The following PRDM11 variants were observed in gnomAD, a reference collection of about 807,000 sequenced individuals.
PRDM11 encodes the protein PR domain-containing protein 11.
In PRDM11, 20 loss-of-function variants were observed where a neutral mutation model predicts 97.8. The ratio of observed to expected loss-of-function variants is 0.20; its 90% confidence interval spans 0.14 to 0.30. The LOEUF is 0.30. PRDM11 is among the 10% of genes least tolerant of loss of function. The pLI is 1.00. For missense variants in PRDM11, 1,139 were observed against 1,555.2 expected (o/e 0.73, Z 4.50); for synonymous variants, 599 against 637.7 (o/e 0.94, Z 0.91).
rs769094527 is a variant in PRDM11, at chr11:45,230,852, A to C, written c.*2693A>C. ...TTTTCCTCTCAAGAGATCATGGCCA[A>C]AATGAGCTAAAATCTTCAGCTAGAA... On this transcript the variant is annotated 3_prime_UTR_variant, in exon 8 of 8. Coordinates refer to ENST00000683152, the MANE Select transcript of PRDM11 (RefSeq NM_001384648.1). 3.9e-5 allele frequency: 6 copies of C among 152,374 alleles called. No individual in the cohort carries two copies. The East Asian group carries it at 9.7e-4, about 25-fold the overall frequency. 9.4% of individuals were successfully genotyped at this position (152,374 alleles called of 1,614,324 possible).
intron 1 of PRDM11, among the ~76,000 whole-genome samples, chr11:45,148,987 A>G (rs902711053): frequency 6.6e-6 from 1 of 151,532 alleles, no homozygotes; most frequent in East Asian, 1.9e-4. Context: ...CTGTCCCACT[A>G]CTCTTTAAGG....
At chr11:45,178,445 C>A (rs971609716) in intron 1 of PRDM11, among the ~76,000 whole-genome samples, 1 of 152,192 alleles carries the variant, frequency 6.6e-6, no homozygotes, top group Non-Finnish European at 1.5e-5. Context: ...TCCTACCCCC[C>A]AGTGCACCTC....
At chr11:45,155,031 G>C (rs955810158) in intron 1 of PRDM11, among the ~76,000 whole-genome samples, 1 of 152,212 alleles carries the variant, frequency 6.6e-6, no homozygotes. Context: ...GGTAGAAAGG[G>C]GGGTAGTGGC....
chr11:45,184,115 G>A (rs971447055), intron 4 of PRDM11, among the ~76,000 whole-genome samples: 12 of 152,228 alleles, frequency 7.9e-5, no homozygotes, highest in Non-Finnish European at 1.6e-4. Flanking sequence ...CCTACCAGGT[G>A]AAGATTGGAG....
intron 1 of PRDM11, among the ~76,000 whole-genome samples, chr11:45,157,373 C>T (rs893040483): frequency 2.0e-5 from 3 of 152,130 alleles, no homozygotes; most frequent in East Asian, 1.9e-4. Flanking sequence ...CGGTAGGGTT[C>T]GCGTCCTATG....
intron 6 of PRDM11, 40 bp from the exon 7 acceptor site, chr11:45,224,177 G>A: frequency 6.6e-7 from 1 of 1,526,436 alleles, no homozygotes. Context: ...CCAATTTGGG[G>A]GTTTTCCCCA....
At chr11:45,215,481 C>CA (rs1853930309) in intron 5 of PRDM11, among the ~76,000 whole-genome samples, 1 of 152,156 alleles carries the variant, frequency 6.6e-6, no homozygotes, top group African/African-American at 2.4e-5. Flanking sequence ...CTCCCAAGGT[C>CA]AATGTATGAA....
rs565012894 is a variant in PRDM11 at position 45,219,159 on chromosome 11, G to A, written c.555-411G>A. Among the ~76,000 whole-genome samples, 11 of 152,330 alleles carry A rather than the reference G, an allele frequency of 7.2e-5. No homozygotes were observed. The highest frequency in any genetic ancestry group is 2.6e-4 in the African/African-American group (11 of 41,562). On this transcript the variant is annotated intron_variant, in intron 5 of 7. Coordinates refer to ENST00000683152, the MANE Select transcript of PRDM11 (RefSeq NM_001384648.1). This position sits in a 1 kb window ranked among gnomAD's most constrained non-coding sequence, Gnocchi z 4.2. ...TACTGGAAACAGTTGAAGGACCCCA[G>A]CCTTACCACCTTCAGAGGCCTGTGG...
chr11:45,168,982 G>T (rs556837763), intron 1 of PRDM11, among the ~76,000 whole-genome samples: 47 of 152,248 alleles, frequency 3.1e-4, no homozygotes, highest in African/African-American at 1.1e-3. Context: ...GTGGAGCCAG[G>T]TTGGCCTCAG....
intron 4 of PRDM11, among the ~76,000 whole-genome samples, chr11:45,185,289 C>T (rs971168871): frequency 1.3e-5 from 2 of 152,232 alleles, no homozygotes; most frequent in African/African-American, 4.8e-5. Flanking sequence ...CTGCTGGCAT[C>T]TAGCAGTTGG....
At chr11:45,117,524 A>G (rs780534705) in intron 1 of PRDM11, among the ~76,000 whole-genome samples, 1 of 152,142 alleles carries the variant, frequency 6.6e-6, no homozygotes, top group Non-Finnish European at 1.5e-5. Flanking sequence ...AGGCTGCAGG[A>G]CTGCCTGAGG....
At chr11:45,166,228 TTTC>T (rs1852060937) in intron 1 of PRDM11, among the ~76,000 whole-genome samples, 1 of 152,232 alleles carries the variant, frequency 6.6e-6, no homozygotes, top group Non-Finnish European at 1.5e-5. Flanking sequence ...CCTGCCCTGC[TTTC>T]TTAGGTATGG....
intron 6 of PRDM11, among the ~76,000 whole-genome samples, chr11:45,222,334 A>G (rs964158319): frequency 1.3e-5 from 2 of 152,218 alleles, no homozygotes; most frequent in Admixed American, 1.3e-4. Context: ...TTGTTTTCAA[A>G]CAATGACGAG....
chr11:45,195,087 G>A (rs1853071248), intron 4 of PRDM11, among the ~76,000 whole-genome samples: 1 of 151,974 alleles, frequency 6.6e-6, no homozygotes, highest in Non-Finnish European at 1.5e-5. Flanking sequence ...CACTTGCATG[G>A]AAACCTGTTT....
chr11:45,134,315 C>T (rs1300567642), intron 1 of PRDM11, among the ~76,000 whole-genome samples: 2 of 152,062 alleles, frequency 1.3e-5, no homozygotes, highest in African/African-American at 4.8e-5. Flanking sequence ...AAGCGTACTC[C>T]CCGACAAAAT....
intron 1 of PRDM11, among the ~76,000 whole-genome samples, chr11:45,137,714 A>G (rs11038322): frequency 0.03 from 4,566 of 152,280 alleles, 249 homozygotes; most frequent in African/African-American, 0.1. Context: ...CTGAACTCCA[A>G]TCCAGCCTGG....
chr11:45,179,601 T>C (rs1484980918), intron 1 of PRDM11, among the ~76,000 whole-genome samples: 1 of 152,206 alleles, frequency 6.6e-6, no homozygotes, highest in Non-Finnish European at 1.5e-5. Flanking sequence ...GCCTTGTGGA[T>C]GGCTGCCTTC....
chr11:45,099,111 T>C (rs1697029755), intron 1 of PRDM11, among the ~76,000 whole-genome samples: 1 of 152,002 alleles, frequency 6.6e-6, no homozygotes, highest in African/African-American at 2.4e-5. Context: ...GCAGGGGCAG[T>C]GGAGCAGCAG....
At chr11:45,220,545 G>C (rs1854092248) in intron 6 of PRDM11, among the ~76,000 whole-genome samples, 1 of 152,088 alleles carries the variant, frequency 6.6e-6, no homozygotes, top group Non-Finnish European at 1.5e-5. Flanking sequence ...ATTCATCCAG[G>C]GCCACCTGGC....
Sources: gnomAD v4.1 joint callset for allele counts (sites outside exome capture counted in the v4.1 genomes callset) on GRCh38, gnomAD v4.1.1 for gene constraint, Gnocchi (gnomAD v3.1) non-coding constraint, MANE v1.5 for transcripts, NCBI Gene and HGNC (gene_info 2026-07-23, HGNC 2026-07-21) for gene names.